The following RBMS3 variants were observed in gnomAD, a reference collection of about 807,000 sequenced individuals.
RBMS3 encodes the protein RNA binding motif single stranded interacting protein 3.
RBMS3 carries 27 observed loss-of-function variants against 66.8 expected under a neutral mutation model. That is an observed-to-expected ratio of 0.40 (90% confidence interval 0.30 to 0.56). RBMS3 has a LOEUF of 0.56. Among genes scored for constraint, RBMS3 ranks in the 20% least tolerant of loss-of-function variants. RBMS3 has a pLI of 0.40. For missense variants in RBMS3, 513 were observed against 549.5 expected, an observed-to-expected ratio of 0.93 and a Z score of 0.66; for synonymous variants, 188 against 183.0, an observed-to-expected ratio of 1.03 and a Z score of -0.22.
At chr3:29,998,419 A>G (rs1248460837) in intron 14 of RBMS3, among the ~76,000 whole-genome samples, 1 of 152,164 alleles carries the variant, frequency 6.6e-6, no homozygotes, top group Admixed American at 6.5e-5. Flanking sequence ...AAACTACTTT[A>G]AAGTTCATAT....
At chr3:29,813,969 T>C (rs2057800540) in intron 6 of RBMS3, among the ~76,000 whole-genome samples, 1 of 152,092 alleles carries the variant, frequency 6.6e-6, no homozygotes. Context: ...GAATACCCTT[T>C]ATTTCCTTCT....
At chr3:29,813,971 T>C (rs1013925572) in intron 6 of RBMS3, among the ~76,000 whole-genome samples, 4 of 152,096 alleles carry the variant, frequency 2.6e-5, no homozygotes, top group Non-Finnish European at 5.9e-5. Flanking sequence ...ATACCCTTTA[T>C]TTCCTTCTCC....
intron 8 of RBMS3, among the ~76,000 whole-genome samples, chr3:29,886,433 G>A (rs543905221): frequency 6.6e-6 from 1 of 151,880 alleles, no homozygotes; most frequent in East Asian, 2.0e-4. Flanking sequence ...GTCCAGCTAG[G>A]ACAAAGGGAA....
intron 6 of RBMS3, among the ~76,000 whole-genome samples, chr3:29,864,902 G>GA (rs1406286418): frequency 3.8e-5 from 5 of 130,868 alleles, no homozygotes; most frequent in East Asian, 2.4e-4. Flanking sequence ...GGGAAGGAAG[G>GA]AGGAAGAGAG....
intron 4 of RBMS3, among the ~76,000 whole-genome samples, chr3:29,635,276 A>C (rs909085692): frequency 1.3e-5 from 2 of 151,870 alleles, no homozygotes; most frequent in African/African-American, 4.8e-5. Context: ...TTCACATTCA[A>C]AACATCAAAC....
intron 11 of RBMS3, among the ~76,000 whole-genome samples, chr3:29,943,915 T>C (rs1263586234): frequency 6.6e-6 from 1 of 151,752 alleles, no homozygotes; most frequent in African/African-American, 2.4e-5. Context: ...AAAAATTTTA[T>C]ATTGATTCCC....
chr3:29,685,494 T>C (rs1193801701), intron 4 of RBMS3, among the ~76,000 whole-genome samples: 1 of 152,060 alleles, frequency 6.6e-6, no homozygotes, highest in Non-Finnish European at 1.5e-5. Flanking sequence ...CCCATGGGAG[T>C]CCATTCCATC....
chr3:29,744,742 C>G (rs553225743), intron 5 of RBMS3, among the ~76,000 whole-genome samples: 2 of 149,570 alleles, frequency 1.3e-5, no homozygotes, highest in Non-Finnish European at 2.9e-5. Context: ...TGAGATCACA[C>G]CATTGCACTC....
At chr3:29,999,984 CAA>C (rs1322768006) in intron 14 of RBMS3, among the ~76,000 whole-genome samples, 1 of 151,652 alleles carries the variant, frequency 6.6e-6, no homozygotes, top group East Asian at 1.9e-4. Context: ...TAGGCATGGG[CAA>C]AGACTTCATG....
intron 4 of RBMS3, chr3:29,614,546 T>C (rs2048595519): frequency 1.3e-5 from 2 of 152,138 alleles, no homozygotes; most frequent in Non-Finnish European, 1.5e-5. Context: ...AATGTATACA[T>C]ATTATGAAAC....
intron 10 of RBMS3, among the ~76,000 whole-genome samples, chr3:29,919,036 A>G (rs1409475761): frequency 6.6e-6 from 1 of 152,102 alleles, no homozygotes; most frequent in Non-Finnish European, 1.5e-5. Context: ...TTAAAATGAG[A>G]AAACAATTTT....
intron 1 of RBMS3, among the ~76,000 whole-genome samples, chr3:29,297,366 A>G (rs575461484): frequency 3.7e-4 from 56 of 151,974 alleles, no homozygotes; most frequent in African/African-American, 1.2e-3. Flanking sequence ...GTTATTAGTG[A>G]TAATGGTAAG....
rs1289906765 is a variant in RBMS3 at position 29,863,590 on chromosome 3, T to A, written c.638-5268T>A. The stretch of plus-strand genomic sequence containing the variant: ...TAACTGCTTATACAGATCCCCCAAA[T>A]ATCAGGGTGGCTAAATTTTTAGACC... On this transcript the variant is annotated intron_variant, in intron 6 of 14. Transcript: ENST00000383767. Among the ~76,000 whole-genome samples the A allele has an allele frequency of 6.6e-5, 10 of 152,266 alleles. No individual in the cohort carries two copies. In the South Asian group the frequency reaches 1.5e-3, roughly 22 times the overall value.
At chr3:29,796,712 C>CTTTTTTTTTTTTTTTTTTTTTTTTTTT (rs71295051) in intron 6 of RBMS3, among the ~76,000 whole-genome samples, 1 of 115,288 alleles carries the variant, frequency 8.7e-6, no homozygotes, top group African/African-American at 3.7e-5. Flanking sequence ...TGAAAGGAAT[C>CTTTTTTTTTTTTTTTTTTTTTTTTTTT]TTTTTTTTTT....
chr3:29,578,464 A>C (rs1194530163), intron 3 of RBMS3, among the ~76,000 whole-genome samples: 1 of 152,234 alleles, frequency 6.6e-6, no homozygotes, highest in East Asian at 1.9e-4. Flanking sequence ...AAGATGTAGA[A>C]TCCACCGTGT....
intron 1 of RBMS3, among the ~76,000 whole-genome samples, chr3:29,325,586 G>T (rs1220403439): frequency 6.8e-6 from 1 of 147,298 alleles, no homozygotes; most frequent in Admixed American, 6.8e-5. Flanking sequence ...ATGTGTGTAT[G>T]TATATATATA....
intron 6 of RBMS3, among the ~76,000 whole-genome samples, chr3:29,805,244 G>T (rs1374758755): frequency 6.6e-6 from 1 of 151,954 alleles, no homozygotes; most frequent in African/African-American, 2.4e-5. Context: ...TATTGGTGAT[G>T]CTGGGTAAAC....
intron 12 of RBMS3, among the ~76,000 whole-genome samples, chr3:29,956,999 A>G (rs1251648824): frequency 6.6e-6 from 1 of 152,132 alleles, no homozygotes; most frequent in Non-Finnish European, 1.5e-5. Context: ...GTGGGAGTAG[A>G]TAAACATGAG....
chr3:29,525,360 A>AGGC (rs148938118), intron 3 of RBMS3, among the ~76,000 whole-genome samples: 137 of 152,300 alleles, frequency 9.0e-4, no homozygotes, highest in African/African-American at 3.2e-3. Flanking sequence ...AAGTTTGACT[A>AGGC]GGCTCTGTAT....
Sources: gnomAD v4.1 joint callset for allele counts (sites outside exome capture counted in the v4.1 genomes callset) on GRCh38, gnomAD v4.1.1 for gene constraint, MANE v1.5 for transcripts, NCBI Gene and HGNC (gene_info 2026-07-23, HGNC 2026-07-21) for gene names.